Variants in PBX4 observed in about 807,000 individuals in gnomAD.
The protein encoded by PBX4 is PBX homeobox 4.
PBX4 carries 26 observed loss-of-function variants against 35.1 expected under a neutral mutation model. The observed-to-expected ratio is 0.74, with a 90% CI of 0.54 to 1.03. The LOEUF is 1.03. Among genes scored for constraint, PBX4 ranks in the 50% least tolerant of loss-of-function variants. The pLI is 0.00. For missense variants in PBX4, 448 were observed against 504.3 expected, an observed-to-expected ratio of 0.89 and a Z score of 1.07; for synonymous variants, 199 against 204.2, an observed-to-expected ratio of 0.97 and a Z score of 0.22.
rs181136757 is a variant in PBX4, at chr19:19,611,345, T to C, written c.119+7166A>G. Among the ~76,000 whole-genome samples, 10 of 152,168 alleles carry C rather than the reference T, an allele frequency of 6.6e-5. No homozygotes were observed. In the East Asian group the frequency reaches 1.9e-3, roughly 29 times the overall value. ...AATATTGGAGGGACTAAGAAAGTTATGCAAATCTCTACTAGTTGAGGTCAT... is the reference window on the plus strand; with the variant it reads ...AATATTGGAGGGACTAAGAAAGTTACGCAAATCTCTACTAGTTGAGGTCAT... On this transcript the variant is annotated intron_variant, in intron 1 of 7. Coordinates refer to ENST00000251203, the MANE Select transcript of PBX4 (RefSeq NM_025245.3).
intron 1 of PBX4, among the ~76,000 whole-genome samples, chr19:19,601,698 T>C (rs2061598234): frequency 6.6e-6 from 1 of 152,022 alleles, no homozygotes. Context: ...GTTGGAGAGA[T>C]ACTATGTTGC....
chr19:19,609,473 C>G (rs1213642382), intron 1 of PBX4, among the ~76,000 whole-genome samples: 1 of 146,566 alleles, frequency 6.8e-6, no homozygotes, highest in Non-Finnish European at 1.5e-5. Flanking sequence ...CGCTTGAACC[C>G]GGGAGGCGGA....
intron 1 of PBX4, among the ~76,000 whole-genome samples, chr19:19,611,697 A>C (rs924455690): frequency 6.6e-6 from 1 of 151,254 alleles, no homozygotes; most frequent in Non-Finnish European, 1.5e-5. Flanking sequence ...AAAAAAAAAA[A>C]GAAAGAAAAG....
chr19:19,614,893 C>T (rs56150771), intron 1 of PBX4, among the ~76,000 whole-genome samples: 21 of 151,812 alleles, frequency 1.4e-4, no homozygotes, highest in Non-Finnish European at 1.5e-4. Flanking sequence ...GGTGTGGTGG[C>T]TCAGGGCTGT....
intron 2 of PBX4, among the ~76,000 whole-genome samples, chr19:19,580,644 C>G (rs559685389): frequency 6.6e-6 from 1 of 152,350 alleles, no homozygotes; most frequent in South Asian, 2.1e-4. Context: ...GAGCCACTTT[C>G]ATTTGTAGTG....
chr19:19,570,356 C>A, intron 3 of PBX4, 57 bp from the exon 4 acceptor site: 1 of 1,539,000 alleles, frequency 6.5e-7, no homozygotes. Context: ...TGGCACAGGG[C>A]AGCAGGTTCC....
chr19:19,604,868 G>A (rs1160262149), intron 1 of PBX4, among the ~76,000 whole-genome samples: 3 of 151,864 alleles, frequency 2.0e-5, no homozygotes, highest in Non-Finnish European at 4.4e-5. Context: ...CCAAAGTGCT[G>A]GGATCACAGG....
At chr19:19,591,088 G>A (rs1241583929) in intron 2 of PBX4, among the ~76,000 whole-genome samples, 1 of 152,152 alleles carries the variant, frequency 6.6e-6, no homozygotes, top group Non-Finnish European at 1.5e-5. Flanking sequence ...CTGAGACTGA[G>A]GGGAGGAAAG....
chr19:19,602,450 G>GT lies in PBX4; in HGVS notation c.120-3086dup, dbSNP rs1185297800. On this transcript the variant is annotated intron_variant, in intron 1 of 7. Transcript: ENST00000251203. ...AAAAGACAGGGTGTGTGTTAATCAT[G>GT]TTTTTTTTCTTTTTCTTTTTGAGAC... Among the ~76,000 whole-genome samples the GT allele has an allele frequency of 6.6e-5, 10 of 151,560 alleles. 1 individual carries two copies. In the South Asian group the frequency reaches 8.4e-4, roughly 13 times the overall value.
Position 19,562,163 on chromosome 19 carries a change from G to C in PBX4, c.1033-46C>G. On this transcript the variant is annotated intron_variant, in intron 7 of 7. Coordinates refer to ENST00000251203, the MANE Select transcript of PBX4 (RefSeq NM_025245.3). The surrounding 1 kb of genome is among the most constrained non-coding windows in gnomAD (Gnocchi z 4.8). ...CATCAGAGTGGGTGGCCGTGAGACT[G>C]GTGACTACCCAGCCCACGTGCTGCA... 1 of 1,474,290 alleles carries C rather than the reference G, an allele frequency of 6.8e-7. No homozygotes were observed. The highest frequency in any genetic ancestry group is 9.3e-7 in the Non-Finnish European group (1 of 1,072,904). 91.3% of individuals were successfully genotyped at this position (1,474,290 alleles called of 1,614,324 possible). A position where few individuals can be genotyped will look rare whatever the true frequency, so the allele number is the denominator to read the frequency against.
At chr19:19,616,094 G>C (rs1450775716) in intron 1 of PBX4, among the ~76,000 whole-genome samples, 1 of 151,946 alleles carries the variant, frequency 6.6e-6, no homozygotes, top group Non-Finnish European at 1.5e-5. Flanking sequence ...CATTCAACAA[G>C]GCCTCATCCT....
intron 2 of PBX4, chr19:19,588,388 A>G: frequency 7.4e-7 from 1 of 1,354,206 alleles, no homozygotes; most frequent in Non-Finnish European, 1.1e-6. Context: ...CTTGCGGCAA[A>G]AGATCAAATC....
intron 2 of PBX4, among the ~76,000 whole-genome samples, chr19:19,589,369 G>A (rs1241557479): frequency 6.6e-6 from 1 of 151,864 alleles, no homozygotes; most frequent in African/African-American, 2.4e-5. Context: ...AGGAGGTGGA[G>A]CTTGCAGCGA....
intron 2 of PBX4, among the ~76,000 whole-genome samples, chr19:19,598,681 C>T (rs904765364): frequency 1.4e-4 from 21 of 152,122 alleles, no homozygotes; most frequent in Non-Finnish European, 2.4e-4. Context: ...CTTAGGTCTT[C>T]GACCTAGAAT....
intron 1 of PBX4, among the ~76,000 whole-genome samples, chr19:19,614,014 T>G (rs2061676144): frequency 1.3e-5 from 2 of 152,172 alleles, no homozygotes; most frequent in Non-Finnish European, 1.5e-5. Context: ...CCATCTTGGT[T>G]TCTCTAGCAC....
At chr19:19,587,658 A>C (rs1250168156) in intron 2 of PBX4, among the ~76,000 whole-genome samples, 1 of 149,522 alleles carries the variant, frequency 6.7e-6, no homozygotes, top group East Asian at 2.0e-4. Context: ...CCCACCACAC[A>C]CCAAAGGTTC....
Position 19,595,667 on chromosome 19 carries a change from C to T in PBX4, c.193+3625G>A, listed in dbSNP as rs542275666. ...ATCACAGCCCAGCATCTGGCCCCGT[C>T]GGGAGGATGACCTGGCACTGGGTGT... On this transcript the variant is annotated intron_variant, in intron 2 of 7. Coordinates refer to ENST00000251203, the MANE Select transcript of PBX4 (RefSeq NM_025245.3). Among the ~76,000 whole-genome samples the T allele has an allele frequency of 9.5e-5, 14 of 147,410 alleles. No homozygotes were observed. In the South Asian group the frequency reaches 2.8e-3, roughly 29 times the overall value.
chr19:19,616,305 G>C (rs932934535), intron 1 of PBX4, among the ~76,000 whole-genome samples: 2 of 152,048 alleles, frequency 1.3e-5, no homozygotes, highest in Non-Finnish European at 2.9e-5. Context: ...ACTCCCTATT[G>C]ATTGTTATCC....
At chr19:19,612,055 A>G (rs7252228) in intron 1 of PBX4, among the ~76,000 whole-genome samples, 115,046 of 152,068 alleles carry the variant, frequency 0.76, 43,599 homozygotes, top group South Asian at 0.8. Context: ...GATCACCTGA[A>G]GCCAGGAGTT....
Sources: allele counts gnomAD v4.1 joint callset (sites outside exome capture counted in the v4.1 genomes callset), GRCh38; gene constraint gnomAD v4.1.1; non-coding constraint Gnocchi (gnomAD v3.1); transcripts MANE v1.5; gene names NCBI Gene and HGNC (gene_info 2026-07-23, HGNC 2026-07-21).